ENAH: variants seen among roughly 807,000 people sequenced by gnomAD.
ENAH encodes the protein ENAH actin regulator, also known as protein enabled homolog.
Under a neutral mutation model 78.7 loss-of-function variants are expected in ENAH, and 23 were observed. The ratio of observed to expected loss-of-function variants is 0.29; its 90% CI spans 0.21 to 0.41. The LOEUF (loss-of-function observed/expected upper bound fraction) is 0.41. Ranked by LOEUF, ENAH falls within the 10% of genes least tolerant of loss-of-function variation. ENAH has a pLI of 1.00. For missense variants in ENAH, 544 were observed against 691.0 expected, an observed-to-expected ratio of 0.79 and a Z score of 2.39; for synonymous variants, 226 against 241.0, an observed-to-expected ratio of 0.94 and a Z score of 0.58.
chr1:225,653,284 CG>C (rs1181885727), upstream of ENAH: 8 of 150,952 alleles, frequency 5.3e-5, no homozygotes, highest in African/African-American at 1.7e-4. The surrounding 1 kb of genome is among the most constrained non-coding windows in gnomAD (Gnocchi z 4.3). Flanking sequence ...CGCCGGCGGC[CG>C]GGCCCCCGCC....
intron 1 of ENAH, chr1:225,581,371 T>C: frequency 1.2e-6 from 1 of 832,058 alleles, no homozygotes; most frequent in Non-Finnish European, 1.4e-6. Context: ...ATTTTAGCTA[T>C]AAAGGCACCA....
intron 3 of ENAH, among the ~76,000 whole-genome samples, chr1:225,540,078 C>T (rs916765029): frequency 6.6e-6 from 1 of 151,976 alleles, no homozygotes; most frequent in Non-Finnish European, 1.5e-5. Flanking sequence ...TAAAGACTCT[C>T]GGGAGAAAAG....
intron 1 of ENAH, among the ~76,000 whole-genome samples, chr1:225,590,177 T>C (rs971610710): frequency 6.7e-5 from 10 of 149,498 alleles, no homozygotes; most frequent in African/African-American, 2.5e-4. Context: ...TTTCAACTAA[T>C]ACCTGTTAAA....
At chr1:225,538,782 T>G (rs1246425069) in intron 3 of ENAH, among the ~76,000 whole-genome samples, 2 of 152,234 alleles carry the variant, frequency 1.3e-5, no homozygotes, top group African/African-American at 4.8e-5. Flanking sequence ...CCATGTTTTG[T>G]AAGCCGTTTA....
intron 10 of ENAH, among the ~76,000 whole-genome samples, chr1:225,509,324 A>T (rs1292420344): frequency 6.6e-6 from 1 of 152,184 alleles, no homozygotes; most frequent in Non-Finnish European, 1.5e-5. Flanking sequence ...CGGCGGGTGG[A>T]AGGATGAGGG....
chr1:225,614,918 C>G (rs1176253041), intron 1 of ENAH, among the ~76,000 whole-genome samples: 4 of 152,220 alleles, frequency 2.6e-5, no homozygotes, highest in African/African-American at 9.6e-5. Flanking sequence ...AATCCTACCT[C>G]TATTCCACAA....
intron 1 of ENAH, among the ~76,000 whole-genome samples, chr1:225,599,236 A>G (rs1337745385): frequency 6.6e-6 from 1 of 152,230 alleles, no homozygotes; most frequent in Non-Finnish European, 1.5e-5. Context: ...AGAAAGAAAA[A>G]CAAAGCTAAA....
intron 1 of ENAH, among the ~76,000 whole-genome samples, chr1:225,612,271 G>A (rs1270958833): frequency 6.6e-6 from 1 of 152,236 alleles, no homozygotes; most frequent in African/African-American, 2.4e-5. Flanking sequence ...TACTGACACT[G>A]CTATGACACG....
At chr1:225,512,546 T>C in intron 9 of ENAH, 111 bp downstream of exon 9, 1 of 1,096,636 alleles carries the variant, frequency 9.1e-7, no homozygotes, top group Non-Finnish European at 1.3e-6. Context: ...TTAGCAAATA[T>C]AAGTTCAAAC....
rs571504055 is a variant in ENAH, at chr1:225,622,375, C to T, written c.5+30311G>A. 9.9e-5 allele frequency among the ~76,000 whole-genome samples: 15 copies of T among 152,160 alleles called. No homozygotes were observed. The East Asian group carries it at 1.7e-3, about 18-fold the overall frequency. ...GGCTGAGGCAGGAGGATCCTTTGAG[C>T]GCAGGAGTTAGAGACCAGACTGGGC... On this transcript the variant is annotated intron_variant, in intron 1 of 13. Coordinates refer to ENST00000366843, the MANE Select transcript of ENAH (RefSeq NM_018212.6).
At chr1:225,620,897 C>T in intron 1 of ENAH, among the ~76,000 whole-genome samples, 1 of 151,752 alleles carries the variant, frequency 6.6e-6, no homozygotes, top group Non-Finnish European at 1.5e-5. Context: ...CCCAGCTACT[C>T]AGGAGGCTGA....
At chr1:225,531,570 G>A (rs1185796100) in intron 3 of ENAH, among the ~76,000 whole-genome samples, 2 of 152,082 alleles carry the variant, frequency 1.3e-5, no homozygotes, top group East Asian at 3.8e-4. Context: ...TTCCACTCTT[G>A]GAGAAGAATA....
intron 3 of ENAH, among the ~76,000 whole-genome samples, chr1:225,549,006 C>T (rs559018770): frequency 1.5e-4 from 23 of 152,134 alleles, no homozygotes; most frequent in Non-Finnish European, 2.4e-4. Context: ...CCCGCCACCA[C>T]GCCCAGCTAA....
At chr1:225,564,077 A>G (rs1167730237) in intron 2 of ENAH, among the ~76,000 whole-genome samples, 1 of 151,334 alleles carries the variant, frequency 6.6e-6, no homozygotes, top group Non-Finnish European at 1.5e-5. Flanking sequence ...AAAATTGGTT[A>G]TTTGTACTGT....
At chr1:225,611,698 G>A (rs2096990450) in intron 1 of ENAH, among the ~76,000 whole-genome samples, 1 of 152,226 alleles carries the variant, frequency 6.6e-6, no homozygotes, top group Admixed American at 6.5e-5. Context: ...GAGGTGGGAG[G>A]ATCAGCTGAG....
At chr1:225,615,036 C>CGGTCTCCCTCTCCCTCTCCCT in intron 1 of ENAH, among the ~76,000 whole-genome samples, 1 of 129,172 alleles carries the variant, frequency 7.7e-6, no homozygotes, top group East Asian at 2.1e-4. Flanking sequence ...GCCCTCTCCC[C>CGGTCTCCCTCTCCCTCTCCCT]GGTCTCCCTC....
intron 5 of ENAH, chr1:225,518,058 G>GA: frequency 7.3e-7 from 1 of 1,378,834 alleles, no homozygotes; most frequent in Non-Finnish European, 9.7e-7. Flanking sequence ...GGGAGCTAGT[G>GA]AAGCCACAAA....
At position 225,489,017 on chromosome 1, in the gene ENAH, T is replaced by C. The variant is rs1369675082; in HGVS notation, c.*8758A>G. The C allele has an allele frequency of 1.3e-5, 2 of 152,172 alleles. No homozygotes were observed. Among genetic ancestry groups the C allele is most frequent in the Non-Finnish European group, 2.9e-5 (2 of 68,040 alleles). 9.4% of individuals were successfully genotyped at this position (152,172 alleles called of 1,614,324 possible). ...GGGCAGGAGGGTAAGATTATTCCTTTTTTCCTTTCAAGGCTGACAGTGATA... is the reference window on the plus strand; with the variant it reads ...GGGCAGGAGGGTAAGATTATTCCTTCTTTCCTTTCAAGGCTGACAGTGATA... On this transcript the variant is annotated 3_prime_UTR_variant, in exon 14 of 14. Transcript: ENST00000366843.
intron 12 of ENAH, 99 bp downstream of exon 12, chr1:225,500,889 GTCTT>G: frequency 1.9e-6 from 2 of 1,055,964 alleles, no homozygotes; most frequent in Non-Finnish European, 2.8e-6. Context: ...TAGCTCTATC[GTCTT>G]TCTAAGTACA....
Sources: gnomAD v4.1 joint callset for allele counts (sites outside exome capture counted in the v4.1 genomes callset) on GRCh38, gnomAD v4.1.1 for gene constraint, Gnocchi (gnomAD v3.1) non-coding constraint, MANE v1.5 for transcripts, NCBI Gene and HGNC (gene_info 2026-07-23, HGNC 2026-07-21) for gene names.